FOXP1: variants seen among roughly 807,000 people sequenced by gnomAD.
FOXP1 encodes the protein forkhead box protein P1.
In FOXP1, 15 loss-of-function variants were observed where a neutral mutation model predicts 98.2. The ratio of observed to expected loss-of-function variants is 0.15; its 90% confidence interval spans 0.10 to 0.24. The LOEUF (loss-of-function observed/expected upper bound fraction) is 0.24, where lower values mean the gene tolerates loss of function less well. Among genes scored for constraint, FOXP1 ranks in the 10% least tolerant of loss-of-function variants. FOXP1 has a pLI of 1.00. For synonymous variants in FOXP1, 371 were observed against 314.5 expected, an observed-to-expected ratio of 1.18 and a Z score of -1.90; for missense variants, 633 against 848.5, an observed-to-expected ratio of 0.75 and a Z score of 3.15.
chr3:71,131,132 G>A (rs1390530037), intron 6 of FOXP1, among the ~76,000 whole-genome samples: 2 of 151,984 alleles, frequency 1.3e-5, no homozygotes, highest in South Asian at 2.1e-4. Context: ...AGAACACATC[G>A]TCCCGTATTC....
At chr3:71,223,594 C>T (rs1211592094) in intron 5 of FOXP1, among the ~76,000 whole-genome samples, 1 of 149,746 alleles carries the variant, frequency 6.7e-6, no homozygotes, top group Non-Finnish European at 1.5e-5. Context: ...ACTCGGGAGA[C>T]TGAGGCAGGA....
chr3:71,238,693 T>G (rs2067002682), intron 5 of FOXP1, among the ~76,000 whole-genome samples: 1 of 152,184 alleles, frequency 6.6e-6, no homozygotes, highest in South Asian at 2.1e-4. Context: ...CAGCTGTAGC[T>G]CAGTAACCAA....
At chr3:71,137,374 T>C (rs1208100909) in intron 6 of FOXP1, among the ~76,000 whole-genome samples, 2 of 152,144 alleles carry the variant, frequency 1.3e-5, no homozygotes, top group African/African-American at 4.8e-5. Flanking sequence ...CAGCAAAACA[T>C]CCTCCATACG....
Position 71,569,944 on chromosome 3 carries a change from G to A in FOXP1, c.-298+11605C>T, listed in dbSNP as rs1021310952. On this transcript the variant is annotated intron_variant, in intron 2 of 20. Transcript: ENST00000649528. ...ACTACAGGCGCCAGCCACCACGCCC[G>A]GCTAATTTTTTAAAGACAGGGTTTC... is the stretch of plus-strand genomic sequence containing the variant. 9.9e-5 allele frequency among the ~76,000 whole-genome samples: 15 copies of A among 152,198 alleles called. 1 individual carries two copies. The highest frequency in any genetic ancestry group is 5.9e-4 in the Admixed American group (9 of 15,300).
chr3:71,010,365 C>A (rs1251221678), intron 12 of FOXP1, among the ~76,000 whole-genome samples: 2 of 152,150 alleles, frequency 1.3e-5, no homozygotes, highest in African/African-American at 4.8e-5. Flanking sequence ...TTGGGTAAAT[C>A]ATTTAACCTC....
At chr3:71,363,164 T>A (rs1445694809) in intron 3 of FOXP1, among the ~76,000 whole-genome samples, 2 of 152,156 alleles carry the variant, frequency 1.3e-5, no homozygotes, top group Non-Finnish European at 2.9e-5. Flanking sequence ...TTAAAGGTGT[T>A]AAAAAATTGA....
intron 4 of FOXP1, among the ~76,000 whole-genome samples, chr3:71,303,198 C>T (rs1478567480): frequency 6.6e-6 from 1 of 152,070 alleles, no homozygotes; most frequent in Non-Finnish European, 1.5e-5. Flanking sequence ...AAGATTTCTG[C>T]ATTATATTTC....
At chr3:71,271,152 C>A (rs1259431576) in intron 5 of FOXP1, among the ~76,000 whole-genome samples, 1 of 152,182 alleles carries the variant, frequency 6.6e-6, no homozygotes, top group Non-Finnish European at 1.5e-5. Context: ...ACTGCTTGAA[C>A]CTGGGAGGTG....
At chr3:71,411,554 C>T (rs1202571703) in intron 3 of FOXP1, among the ~76,000 whole-genome samples, 1 of 152,146 alleles carries the variant, frequency 6.6e-6, no homozygotes, top group Non-Finnish European at 1.5e-5. Flanking sequence ...GATCTCCTGA[C>T]CTCGTGATCC....
intron 11 of FOXP1, among the ~76,000 whole-genome samples, chr3:71,040,877 A>C (rs2048252113): frequency 6.6e-6 from 1 of 152,130 alleles, no homozygotes; most frequent in Non-Finnish European, 1.5e-5. Flanking sequence ...ATGATGAAAA[A>C]CATGGGCGCC....
chr3:71,251,226 T>C (rs1011721272), intron 5 of FOXP1, among the ~76,000 whole-genome samples: 10 of 152,212 alleles, frequency 6.6e-5, no homozygotes, highest in African/African-American at 1.4e-4. Context: ...TTCAGAGACA[T>C]CAGCTATCCT....
chr3:70,992,455 A>G (rs1291567124), intron 13 of FOXP1, among the ~76,000 whole-genome samples: 5 of 152,226 alleles, frequency 3.3e-5, no homozygotes, highest in African/African-American at 4.8e-5. Flanking sequence ...AGTGACTAGA[A>G]GGAGCAGAAC....
At chr3:71,195,862 ACTGT>A (rs2063269054) in intron 6 of FOXP1, among the ~76,000 whole-genome samples, 1 of 152,260 alleles carries the variant, frequency 6.6e-6, no homozygotes, top group East Asian at 1.9e-4. Flanking sequence ...ATTTCTCCAA[ACTGT>A]CTAATTGTCG....
At chr3:71,451,212 A>G (rs530462816) in intron 3 of FOXP1, among the ~76,000 whole-genome samples, 1 of 152,322 alleles carries the variant, frequency 6.6e-6, no homozygotes, top group South Asian at 2.1e-4. Context: ...ATTGCCCACC[A>G]GGCCTGAAAT....
intron 11 of FOXP1, among the ~76,000 whole-genome samples, chr3:71,039,270 G>C (rs1467081138): frequency 6.6e-6 from 1 of 152,082 alleles, no homozygotes; most frequent in African/African-American, 2.4e-5. Context: ...TAATTCTGGT[G>C]TGTAGTATGA....
At chr3:71,013,600 A>G (rs1331201257) in intron 12 of FOXP1, among the ~76,000 whole-genome samples, 6 of 152,246 alleles carry the variant, frequency 3.9e-5, no homozygotes, top group Non-Finnish European at 8.8e-5. Flanking sequence ...ATTCAATGCC[A>G]TCGCCATCAA....
intron 2 of FOXP1, among the ~76,000 whole-genome samples, chr3:71,507,982 T>C (rs1343521210): frequency 2.0e-5 from 3 of 152,238 alleles, no homozygotes; most frequent in Non-Finnish European, 2.9e-5. Flanking sequence ...TGAAGTGTTA[T>C]TATCCCCATT....
chr3:71,031,060 T>G (rs1029940341), intron 11 of FOXP1, among the ~76,000 whole-genome samples: 1 of 152,212 alleles, frequency 6.6e-6, no homozygotes, highest in African/African-American at 2.4e-5. Flanking sequence ...AGAATTCCAC[T>G]GATTACTAAA....
chr3:71,067,818 G>A (rs796654944), intron 7 of FOXP1, among the ~76,000 whole-genome samples: 44 of 151,050 alleles, frequency 2.9e-4, no homozygotes, highest in Admixed American at 9.2e-4. Context: ...GGGAGACTGA[G>A]GTGGCAGGAT....
Sources: allele counts gnomAD v4.1 joint callset (sites outside exome capture counted in the v4.1 genomes callset), GRCh38; gene constraint gnomAD v4.1.1; transcripts MANE v1.5; gene names NCBI Gene and HGNC (gene_info 2026-07-23, HGNC 2026-07-21).